Variants in CDH12 observed in about 807,000 individuals in gnomAD.
CDH12 encodes cadherin 12.
In CDH12, 41 loss-of-function variants were observed where a neutral mutation model predicts 74.1. The observed-to-expected ratio is 0.55, with a 90% CI of 0.43 to 0.72. CDH12 has a LOEUF of 0.72. Among genes scored for constraint, CDH12 ranks in the 30% least tolerant of loss-of-function variants. The probability of loss-of-function intolerance (pLI) is 0.00; values close to 1 mark genes in which losing one functional copy is unlikely to be tolerated. For synonymous variants in CDH12, 399 were observed against 355.0 expected (o/e 1.12, Z -1.39); for missense variants, 945 against 977.2 (o/e 0.97, Z 0.44).
At chr5:22,820,036 C>T (rs1581032658) in intron 1 of CDH12, among the ~76,000 whole-genome samples, 1 of 145,526 alleles carries the variant, frequency 6.9e-6, no homozygotes, top group African/African-American at 2.5e-5. Context: ...TATACATATA[C>T]ATATATATAC....
chr5:22,208,743 G>C (rs1413360894), intron 4 of CDH12, among the ~76,000 whole-genome samples: 4 of 152,046 alleles, frequency 2.6e-5, no homozygotes, highest in African/African-American at 9.7e-5. Context: ...GGCCAGTAGA[G>C]CCTAGACACA....
chr5:21,834,623 C>T (rs149434684), intron 8 of CDH12, among the ~76,000 whole-genome samples: 2 of 151,910 alleles, frequency 1.3e-5, no homozygotes, highest in Non-Finnish European at 2.9e-5. Context: ...ACCAGTACTA[C>T]ACTTTAGAAA....
At chr5:22,599,780 T>C (rs1295605716) in intron 1 of CDH12, among the ~76,000 whole-genome samples, 1 of 152,148 alleles carries the variant, frequency 6.6e-6, no homozygotes, top group Non-Finnish European at 1.5e-5. Flanking sequence ...AAGATGTGTA[T>C]AATTTCCTTA....
chr5:22,668,817 T>TC, intron 1 of CDH12, among the ~76,000 whole-genome samples: 1 of 152,102 alleles, frequency 6.6e-6, no homozygotes, highest in Admixed American at 6.5e-5. Flanking sequence ...CTTTTTCTAT[T>TC]GGTCATCTCA....
chr5:21,789,487 ATT>A (rs1461470104), intron 10 of CDH12, among the ~76,000 whole-genome samples: 1 of 152,060 alleles, frequency 6.6e-6, no homozygotes, highest in African/African-American at 2.4e-5. Context: ...CTCTTAGAAA[ATT>A]TTCCAGAGAC....
rs377016972 is a variant in CDH12, at chr5:22,343,323, C to CAGAGAGAGAG, written c.-333+61924_-333+61933dup. Among the ~76,000 whole-genome samples, 434 of 136,326 alleles carry CAGAGAGAGAG rather than the reference C, an allele frequency of 3.2e-3. 4 individuals are homozygous for CAGAGAGAGAG. The highest frequency in any genetic ancestry group is 0.012 in the African/African-American group (409 of 34,480). The allele number at this position is 136,326 out of a possible 152,430, so 89.4% of individuals were successfully genotyped here. A position where few individuals can be genotyped will look rare whatever the true frequency, so the allele number is the denominator to read the frequency against. The stretch of plus-strand genomic sequence containing the variant: ...ACACACACACACACAGACACACACA[C>CAGAGAGAGAG]AGAGAGAGAGAGAGAGAGAGAGAGA... On this transcript the variant is annotated intron_variant, in intron 3 of 14. Transcript: ENST00000382254.
chr5:22,549,135 TTG>T (rs1554049024), intron 1 of CDH12, among the ~76,000 whole-genome samples: 2 of 147,160 alleles, frequency 1.4e-5, no homozygotes, highest in African/African-American at 2.5e-5. Context: ...TGTTTTTTTT[TTG>T]TTTTTTTTGT....
chr5:22,625,053 C>A lies in CDH12; in HGVS notation c.-522-119689G>T, dbSNP rs188826945. Among the ~76,000 whole-genome samples the A allele has an allele frequency of 2.0e-5, 3 of 152,178 alleles. No homozygotes were observed. In the East Asian group the frequency reaches 5.8e-4, roughly 30 times the overall value. ...GAAACTATCATTCTCAGCAAACTAT[C>A]ACAATGACAAAAAACCAAACACCAC... On this transcript the variant is annotated intron_variant, in intron 1 of 14. Coordinates refer to ENST00000382254, the MANE Select transcript of CDH12 (RefSeq NM_004061.5).
intron 4 of CDH12, among the ~76,000 whole-genome samples, chr5:22,209,010 T>C (rs1315523732): frequency 6.6e-6 from 1 of 152,204 alleles, no homozygotes; most frequent in Non-Finnish European, 1.5e-5. Context: ...TTGATCATAT[T>C]TGTAGTCATT....
intron 2 of CDH12, among the ~76,000 whole-genome samples, chr5:22,442,044 G>C (rs897368813): frequency 1.3e-5 from 2 of 152,210 alleles, no homozygotes; most frequent in Middle Eastern, 3.4e-3. Flanking sequence ...GATAAAGAAA[G>C]AAGGATTTAA....
intron 3 of CDH12, among the ~76,000 whole-genome samples, chr5:22,320,283 T>C (rs745388534): frequency 1.3e-5 from 2 of 152,182 alleles, no homozygotes; most frequent in Non-Finnish European, 2.9e-5. Flanking sequence ...GGGGAGAGTT[T>C]AAAATTAATA....
In CDH12 at chr5:22,376,769, C is replaced by T. The variant is rs535251978; in HGVS notation, c.-333+28488G>A. 4.7e-5 allele frequency among the ~76,000 whole-genome samples: 7 copies of T among 150,494 alleles called. No individual in the cohort carries two copies. In the East Asian group the frequency reaches 1.4e-3, roughly 30 times the overall value. On this transcript the variant is annotated intron_variant, in intron 3 of 14. Transcript: ENST00000382254. ...AAATCCTGGGCTCAAGTGATCCTGCCACCTCAGCCTCCCAAAGTTCTGGGA... is the reference window on the plus strand; with the variant it reads ...AAATCCTGGGCTCAAGTGATCCTGCTACCTCAGCCTCCCAAAGTTCTGGGA...
chr5:22,529,188 T>TATAG (rs1395904979), intron 1 of CDH12, among the ~76,000 whole-genome samples: 99 of 84,522 alleles, frequency 1.2e-3, no homozygotes, highest in Middle Eastern at 7.7e-3. Flanking sequence ...TATATATATA[T>TATAG]AGAGAGAGAG....
At chr5:22,701,185 C>A (rs778843448) in intron 1 of CDH12, among the ~76,000 whole-genome samples, 6 of 152,114 alleles carry the variant, frequency 3.9e-5, no homozygotes, top group Non-Finnish European at 5.9e-5. Context: ...TTCACATATT[C>A]ATTTGTAGGT....
At chr5:22,791,114 T>A (rs1747883526) in intron 1 of CDH12, among the ~76,000 whole-genome samples, 1 of 151,972 alleles carries the variant, frequency 6.6e-6, no homozygotes, top group South Asian at 2.1e-4. Context: ...ACAAAGAGAG[T>A]AGCCTCTTTG....
At chr5:22,349,501 A>C (rs1350837792) in intron 3 of CDH12, among the ~76,000 whole-genome samples, 2 of 152,194 alleles carry the variant, frequency 1.3e-5, no homozygotes, top group Non-Finnish European at 2.9e-5. Context: ...CAGTGGCTAT[A>C]ATACTTACTC....
intron 1 of CDH12, among the ~76,000 whole-genome samples, chr5:22,720,358 G>A (rs542925549): frequency 1.2e-4 from 19 of 152,038 alleles, no homozygotes; most frequent in Non-Finnish European, 2.2e-4. Flanking sequence ...TTCACCTTGC[G>A]CCATGATTGT....
At chr5:21,754,467 A>G (rs75874312) in intron 14 of CDH12, among the ~76,000 whole-genome samples, 5,319 of 152,236 alleles carry the variant, frequency 0.035, 107 homozygotes, top group Middle Eastern at 0.071. Context: ...GATGCCAGGG[A>G]TAATTTATTA....
intron 1 of CDH12, among the ~76,000 whole-genome samples, chr5:22,661,207 C>T (rs561455798): frequency 2.6e-5 from 4 of 152,272 alleles, no homozygotes; most frequent in African/African-American, 9.6e-5. Context: ...ACAGAGTCTT[C>T]CACCACTTAA....
Sources: allele counts gnomAD v4.1 joint callset (sites outside exome capture counted in the v4.1 genomes callset), GRCh38; gene constraint gnomAD v4.1.1; transcripts MANE v1.5; gene names NCBI Gene and HGNC (gene_info 2026-07-23, HGNC 2026-07-21).